The following CUL1 variants were observed in gnomAD, a reference collection of about 807,000 sequenced individuals.
The protein encoded by CUL1 is cullin 1.
A neutral mutation model predicts 118.0 loss-of-function variants in CUL1; 24 were observed. That is an observed-to-expected ratio of 0.20 (90% CI 0.15 to 0.29). CUL1 has a LOEUF of 0.29. CUL1 is among the 10% of genes least tolerant of loss of function. The probability of loss-of-function intolerance (pLI) is 1.00; values close to 1 mark genes in which losing one functional copy is unlikely to be tolerated. For synonymous variants in CUL1, 332 were observed against 340.4 expected (o/e 0.98, Z 0.27); for missense variants, 361 against 933.8 (o/e 0.39, Z 7.99).
At chr7:148,748,494 A>G (rs139388805) in intron 2 of CUL1, among the ~76,000 whole-genome samples, 6 of 152,362 alleles carry the variant, frequency 3.9e-5, no homozygotes, top group Admixed American at 1.3e-4. Flanking sequence ...TCAAATATGT[A>G]TATTAGTTAA....
intron 2 of CUL1, among the ~76,000 whole-genome samples, chr7:148,745,354 C>G (rs956981508): frequency 1.3e-5 from 2 of 152,110 alleles, no homozygotes; most frequent in Admixed American, 6.5e-5. Flanking sequence ...TGTTGATTGT[C>G]TTTTGTCTTG....
intron 3 of CUL1, among the ~76,000 whole-genome samples, chr7:148,754,752 C>CTT (rs879470066): frequency 2.0e-4 from 28 of 143,402 alleles, no homozygotes; most frequent in African/African-American, 7.1e-4. Flanking sequence ...TTTTCTTTTC[C>CTT]TTTTTTTTTT....
chr7:148,742,598 G>GTTT lies in CUL1; in HGVS notation c.141-11362_141-11360dup, dbSNP rs59592789. On this transcript the variant is annotated intron_variant, in intron 2 of 21. Coordinates refer to ENST00000325222, the MANE Select transcript of CUL1 (RefSeq NM_003592.3). ...TTCTTAAATCTTTCTACCTTTTCTG[G>GTTT]TTTTTTTTTTTTTTTTTTGAGTTGG... Among the ~76,000 whole-genome samples the GTTT allele has an allele frequency of 2.7e-5, 3 of 112,170 alleles. No individual in the cohort carries two copies. The South Asian group carries it at 1.0e-3, about 39-fold the overall frequency. The allele number at this position is 112,170 out of a possible 152,430, so 73.6% of individuals were successfully genotyped here.
At position 148,800,645 on chromosome 7, in the gene CUL1, A is replaced by T. The variant is rs1176357761; in HGVS notation, c.*63A>T. The T allele has an allele frequency of 2.2e-6, 3 of 1,366,812 alleles. No homozygotes were observed. The highest frequency in any genetic ancestry group is 3.1e-6 in the Non-Finnish European group (3 of 966,530). 84.7% of individuals were successfully genotyped at this position (1,366,812 alleles called of 1,614,324 possible). A position where few individuals can be genotyped will look rare whatever the true frequency, so the allele number is the denominator to read the frequency against. On this transcript the variant is annotated 3_prime_UTR_variant, in exon 22 of 22. Transcript: ENST00000325222. This position sits in a 1 kb window ranked among gnomAD's most constrained non-coding sequence, Gnocchi z 4.6. ...ATAGTTCATGTTGGAAAGAATGAAA[A>T]CAACTCAAGTTCATAGCAGCCAGCC...
intron 9 of CUL1, among the ~76,000 whole-genome samples, chr7:148,771,255 A>C (rs1288943675): frequency 1.3e-5 from 2 of 152,266 alleles, no homozygotes; most frequent in East Asian, 3.8e-4. Context: ...TTAGAAAACC[A>C]GCTTTACTGC....
chr7:148,749,897 T>C (rs1799432466), intron 2 of CUL1, among the ~76,000 whole-genome samples: 1 of 152,218 alleles, frequency 6.6e-6, no homozygotes, highest in African/African-American at 2.4e-5. Flanking sequence ...TTAAAAGCGC[T>C]GCTCCAGTGA....
chr7:148,714,760 A>G (rs534256973), intron 1 of CUL1, among the ~76,000 whole-genome samples: 4 of 152,330 alleles, frequency 2.6e-5, no homozygotes, highest in African/African-American at 9.6e-5. Context: ...TGGGCAGAAC[A>G]TGGTCGTCTT....
At chr7:148,757,957 T>G (rs1799711497) in intron 4 of CUL1, among the ~76,000 whole-genome samples, 1 of 152,178 alleles carries the variant, frequency 6.6e-6, no homozygotes, top group Non-Finnish European at 1.5e-5. Flanking sequence ...CCGCAACATG[T>G]GGGAATTACG....
At chr7:148,761,723 A>C (rs539319320) in intron 7 of CUL1, among the ~76,000 whole-genome samples, 1 of 152,324 alleles carries the variant, frequency 6.6e-6, no homozygotes, top group Non-Finnish European at 1.5e-5. Flanking sequence ...GCCGGGTTCC[A>C]ATAAAACTTT....
At chr7:148,796,297 G>A (rs1801196180) in intron 17 of CUL1, among the ~76,000 whole-genome samples, 1 of 152,122 alleles carries the variant, frequency 6.6e-6, no homozygotes, top group Admixed American at 6.5e-5. Context: ...GAACCACCCT[G>A]GTGTTCTTAG....
At chr7:148,772,298 C>T (rs544005223) in intron 9 of CUL1, among the ~76,000 whole-genome samples, 3 of 152,138 alleles carry the variant, frequency 2.0e-5, no homozygotes, top group East Asian at 1.9e-4. Context: ...ACCTGTAATC[C>T]CAGCTACTCC....
At chr7:148,798,796 T>TATCA in intron 20 of CUL1, 119 bp downstream of exon 20, 1 of 814,688 alleles carries the variant, frequency 1.2e-6, no homozygotes, top group Non-Finnish European at 2.1e-6. Flanking sequence ...TGAATGGGTC[T>TATCA]GTGATGGCAG....
At chr7:148,786,740 T>C (rs1163100664) in intron 12 of CUL1, 141 bp downstream of exon 12, 1 of 839,698 alleles carries the variant, frequency 1.2e-6, no homozygotes, top group African/African-American at 1.7e-5. Context: ...ACTTCCTAAA[T>C]TGAGTTACTA....
intron 9 of CUL1, among the ~76,000 whole-genome samples, chr7:148,781,540 T>TC (rs1800633244): frequency 6.6e-6 from 1 of 152,248 alleles, no homozygotes; most frequent in South Asian, 2.1e-4. Flanking sequence ...TTCCTGGCAT[T>TC]CCTTGGGAAA....
intron 2 of CUL1, among the ~76,000 whole-genome samples, chr7:148,732,873 A>G (rs1798809636): frequency 6.6e-6 from 1 of 152,204 alleles, no homozygotes; most frequent in Non-Finnish European, 1.5e-5. Context: ...CTGAGAAATA[A>G]TAGCTCCATA....
intron 3 of CUL1, 38 bp from the exon 4 acceptor site, chr7:148,756,945 A>T: frequency 7.0e-7 from 1 of 1,435,816 alleles, no homozygotes; most frequent in Non-Finnish European, 9.4e-7. Context: ...TAATGTGACA[A>T]ATTAGTCATC....
At chr7:148,713,378 G>C (rs530094506) in intron 1 of CUL1, among the ~76,000 whole-genome samples, 1 of 152,186 alleles carries the variant, frequency 6.6e-6, no homozygotes, top group African/African-American at 2.4e-5. Flanking sequence ...TAAGTTTTCA[G>C]GTTTTCCGGA....
At chr7:148,709,334 T>A (rs1317433702) in intron 1 of CUL1, among the ~76,000 whole-genome samples, 1 of 152,176 alleles carries the variant, frequency 6.6e-6, no homozygotes, top group Non-Finnish European at 1.5e-5. Flanking sequence ...TCCATTGTAT[T>A]TATATTTTTC....
At chr7:148,792,435 T>G (rs1450893126) in intron 16 of CUL1, among the ~76,000 whole-genome samples, 1 of 152,236 alleles carries the variant, frequency 6.6e-6, no homozygotes, top group African/African-American at 2.4e-5. Flanking sequence ...TATAAATGCG[T>G]GGGGACGTAT....
Sources: allele counts gnomAD v4.1 joint callset (sites outside exome capture counted in the v4.1 genomes callset), GRCh38; gene constraint gnomAD v4.1.1; non-coding constraint Gnocchi (gnomAD v3.1); transcripts MANE v1.5; gene names NCBI Gene and HGNC (gene_info 2026-07-23, HGNC 2026-07-21).